Variants in FBXO42 observed in about 807,000 individuals in gnomAD.
FBXO42 encodes the protein F-box only protein 42.
A neutral mutation model predicts 71.7 loss-of-function variants in FBXO42; 12 were observed. That is an observed-to-expected ratio of 0.17 (90% CI 0.11 to 0.27). FBXO42 has a LOEUF of 0.27. FBXO42 is among the 10% of genes least tolerant of loss of function. The pLI is 1.00. For synonymous variants in FBXO42, 325 were observed against 327.5 expected, an observed-to-expected ratio of 0.99 and a Z score of 0.08; for missense variants, 707 against 911.9, an observed-to-expected ratio of 0.78 and a Z score of 2.89.
chr1:16,267,179 C>T (rs1490713263), intron 4 of FBXO42, among the ~76,000 whole-genome samples: 1 of 152,198 alleles, frequency 6.6e-6, no homozygotes, highest in Non-Finnish European at 1.5e-5. Flanking sequence ...GGAACAGATA[C>T]TAGTTTCTCT....
At position 16,328,366 on chromosome 1, in the gene FBXO42, A is replaced by G. The variant is rs181097057; in HGVS notation, c.-17-12931T>C. Among the ~76,000 whole-genome samples the G allele has an allele frequency of 3.0e-3, 455 of 152,334 alleles. 2 individuals are homozygous for G. The highest frequency in any genetic ancestry group is 0.01 in the African/African-American group (432 of 41,586). ...ATATAAGCACTAGTCTCTACTTGACAAAGTTGTTTCTCACAAAAGCAGAGG... is the reference window on the plus strand; with the variant it reads ...ATATAAGCACTAGTCTCTACTTGACGAAGTTGTTTCTCACAAAAGCAGAGG... On this transcript the variant is annotated intron_variant, in intron 1 of 9. Transcript: ENST00000375592.
intron 2 of FBXO42, among the ~76,000 whole-genome samples, chr1:16,309,037 C>T (rs1457002477): frequency 6.8e-6 from 1 of 147,550 alleles, no homozygotes; most frequent in African/African-American, 2.5e-5. Flanking sequence ...GCCACCATGC[C>T]AGGCCGGGAG....
intron 1 of FBXO42, among the ~76,000 whole-genome samples, chr1:16,326,014 T>TTGTGTG (rs34752325): frequency 0.2 from 27,145 of 137,408 alleles, 3,324 homozygotes; most frequent in East Asian, 0.44. Context: ...GTGCCCAAAT[T>TTGTGTG]TGTGTGTGTG....
chr1:16,283,503 T>TTTTGTTTTTTTTG (rs1294461113), intron 4 of FBXO42, among the ~76,000 whole-genome samples: 1 of 137,712 alleles, frequency 7.3e-6, no homozygotes, highest in Admixed American at 7.2e-5. Context: ...AGTTTTTTTT[T>TTTTGTTTTTTTTG]TTTTTTTTTT....
chr1:16,349,725 G>C (rs2082682305), intron 1 of FBXO42, among the ~76,000 whole-genome samples: 1 of 152,200 alleles, frequency 6.6e-6, no homozygotes, highest in South Asian at 2.1e-4. Context: ...AGCTGGGCAT[G>C]ATGGCAGGCA....
chr1:16,326,290 A>T (rs1425609229), intron 1 of FBXO42, among the ~76,000 whole-genome samples: 2 of 151,574 alleles, frequency 1.3e-5, no homozygotes, highest in East Asian at 4.0e-4. Flanking sequence ...TCCCGACCTC[A>T]GGTGATCCAT....
chr1:16,332,793 G>A (rs964688454), intron 1 of FBXO42, among the ~76,000 whole-genome samples: 46 of 152,058 alleles, frequency 3.0e-4, no homozygotes, highest in African/African-American at 1.1e-3. Flanking sequence ...TGCCTGCCTC[G>A]GCCTCCCAAA....
chr1:16,273,770 T>C (rs184038568), intron 4 of FBXO42, among the ~76,000 whole-genome samples: 70 of 152,142 alleles, frequency 4.6e-4, no homozygotes, highest in African/African-American at 1.6e-3. Context: ...TCCCAGCTAC[T>C]TGGGAGGCTG....
chr1:16,261,758 C>T (rs2081714752), intron 4 of FBXO42, among the ~76,000 whole-genome samples: 1 of 151,916 alleles, frequency 6.6e-6, no homozygotes, highest in Non-Finnish European at 1.5e-5. Flanking sequence ...GGCTGGAGTG[C>T]AGTGGCGCGA....
intron 1 of FBXO42, among the ~76,000 whole-genome samples, chr1:16,350,573 C>CA (rs60358251): frequency 0.12 from 8,024 of 66,558 alleles, 467 homozygotes; most frequent in Non-Finnish European, 0.16. Flanking sequence ...ACTAAAATTA[C>CA]AAAAAAAAAA....
intron 4 of FBXO42, among the ~76,000 whole-genome samples, chr1:16,262,807 T>G (rs1474392105): frequency 6.6e-6 from 1 of 152,060 alleles, no homozygotes. Flanking sequence ...CTTCTCAAGC[T>G]CAGGTGATTC....
At chr1:16,352,068 T>A (rs2082707105) in intron 1 of FBXO42, among the ~76,000 whole-genome samples, 187 bp downstream of exon 1, 1 of 152,052 alleles carries the variant, frequency 6.6e-6, no homozygotes, top group Non-Finnish European at 1.5e-5. Context: ...GGAAAGGAGC[T>A]GTCCTCCTCC....
At chr1:16,258,989 C>T (rs900975963) in intron 4 of FBXO42, among the ~76,000 whole-genome samples, 1 of 152,170 alleles carries the variant, frequency 6.6e-6, no homozygotes, top group African/African-American at 2.4e-5. Flanking sequence ...ATCCTCCCGC[C>T]TCAGCCTCCC....
intron 1 of FBXO42, among the ~76,000 whole-genome samples, chr1:16,332,425 T>C (rs570577615): frequency 3.9e-5 from 6 of 152,328 alleles, no homozygotes; most frequent in South Asian, 2.1e-4. Context: ...ATTTAATAAA[T>C]GACATTGCTA....
At chr1:16,342,456 C>CTTGTAGT (rs1000899879) in intron 1 of FBXO42, among the ~76,000 whole-genome samples, 1 of 149,354 alleles carries the variant, frequency 6.7e-6, no homozygotes, top group African/African-American at 2.5e-5. Flanking sequence ...GTGGCACCTG[C>CTTGTAGT]TTGTAGTCTC....
intron 1 of FBXO42, among the ~76,000 whole-genome samples, chr1:16,341,473 G>A (rs1434985526): frequency 2.0e-5 from 3 of 151,952 alleles, no homozygotes; most frequent in Non-Finnish European, 2.9e-5. Context: ...GGTGGTGCAC[G>A]CCTGTAATCC....
intron 4 of FBXO42, among the ~76,000 whole-genome samples, chr1:16,283,232 G>C (rs1227674318): frequency 6.6e-6 from 1 of 152,126 alleles, no homozygotes; most frequent in Non-Finnish European, 1.5e-5. Context: ...GCAAGGCCAA[G>C]AACAGGCATC....
At chr1:16,348,667 C>T (rs924225204) in intron 1 of FBXO42, among the ~76,000 whole-genome samples, 3 of 152,080 alleles carry the variant, frequency 2.0e-5, no homozygotes, top group Non-Finnish European at 4.4e-5. Flanking sequence ...CGCCACTGCA[C>T]TCCAGCCTAG....
At chr1:16,332,257 T>C (rs2082507808) in intron 1 of FBXO42, among the ~76,000 whole-genome samples, 2 of 152,128 alleles carry the variant, frequency 1.3e-5, no homozygotes, top group Admixed American at 1.3e-4. Flanking sequence ...GAGCTTTGCT[T>C]GCACTTAAAA....
Sources: allele counts gnomAD v4.1 joint callset (sites outside exome capture counted in the v4.1 genomes callset), GRCh38; gene constraint gnomAD v4.1.1; transcripts MANE v1.5; gene names NCBI Gene and HGNC (gene_info 2026-07-23, HGNC 2026-07-21).